CDKAL1: variants seen among roughly 807,000 people sequenced by gnomAD.
The protein encoded by CDKAL1 is threonylcarbamoyladenosine tRNA methylthiotransferase.
Under a neutral mutation model 68.2 loss-of-function variants are expected in CDKAL1, and 32 were observed. The ratio of observed to expected loss-of-function variants is 0.47; its 90% confidence interval spans 0.35 to 0.63. The LOEUF is 0.63. Among genes scored for constraint, CDKAL1 ranks in the 30% least tolerant of loss-of-function variants. CDKAL1 has a pLI of 0.00. For synonymous variants in CDKAL1, 234 were observed against 244.3 expected (o/e 0.96, Z 0.39); for missense variants, 606 against 696.7 (o/e 0.87, Z 1.47).
chr6:20,765,311 T>C (rs1458531844), intron 7 of CDKAL1, among the ~76,000 whole-genome samples: 1 of 85,028 alleles, frequency 1.2e-5, no homozygotes, highest in African/African-American at 4.6e-5. Flanking sequence ...CGCCCGCCAC[T>C]ACGCCCGGCT....
intron 4 of CDKAL1, among the ~76,000 whole-genome samples, chr6:20,579,165 A>C (rs1308454574): frequency 6.6e-6 from 1 of 152,020 alleles, no homozygotes; most frequent in Non-Finnish European, 1.5e-5. Flanking sequence ...TTTTTGGTAG[A>C]GACAGGGTTC....
intron 5 of CDKAL1, among the ~76,000 whole-genome samples, chr6:20,674,739 G>T (rs1287724538): frequency 6.6e-6 from 1 of 152,074 alleles, no homozygotes; most frequent in East Asian, 1.9e-4. Flanking sequence ...CTCCTTCCTA[G>T]CCTCTGGTAA....
At chr6:21,034,120 A>C (rs1185056865) in intron 11 of CDKAL1, among the ~76,000 whole-genome samples, 2 of 152,212 alleles carry the variant, frequency 1.3e-5, no homozygotes, top group Non-Finnish European at 2.9e-5. Context: ...GTGAGCCTGA[A>C]TTACAAGGGA....
chr6:20,723,830 T>C (rs2127848693), intron 5 of CDKAL1, among the ~76,000 whole-genome samples: 1 of 152,350 alleles, frequency 6.6e-6, no homozygotes, highest in African/African-American at 2.4e-5. Context: ...CTTTTGCCTC[T>C]GTTCAGAGGT....
chr6:20,706,634 A>G (rs1312111342), intron 5 of CDKAL1, among the ~76,000 whole-genome samples: 1 of 152,224 alleles, frequency 6.6e-6, no homozygotes, highest in Non-Finnish European at 1.5e-5. Flanking sequence ...ACTTAAATAT[A>G]TCTGTGTCTA....
intron 9 of CDKAL1, among the ~76,000 whole-genome samples, chr6:20,849,002 A>C (rs1758852342): frequency 6.6e-6 from 1 of 151,888 alleles, no homozygotes; most frequent in Admixed American, 6.6e-5. Context: ...TGTGTTTGCC[A>C]GGCTGGTCTC....
At chr6:20,809,173 A>G (rs1438525388) in intron 8 of CDKAL1, among the ~76,000 whole-genome samples, 1 of 152,152 alleles carries the variant, frequency 6.6e-6, no homozygotes, top group African/African-American at 2.4e-5. Flanking sequence ...TGTAACAGAC[A>G]TCTAAGGTCA....
chr6:20,834,403 T>A (rs2150470318), intron 8 of CDKAL1, among the ~76,000 whole-genome samples: 1 of 152,324 alleles, frequency 6.6e-6, no homozygotes, highest in African/African-American at 2.4e-5. Flanking sequence ...GGGAGTTAGA[T>A]GTCCTCTGGG....
At chr6:20,542,639 A>C (rs1763432514) in intron 2 of CDKAL1, among the ~76,000 whole-genome samples, 1 of 152,132 alleles carries the variant, frequency 6.6e-6, no homozygotes, top group South Asian at 2.1e-4. Flanking sequence ...GCAGTTGTAA[A>C]ACTTATGCAG....
rs562801863 is a variant in CDKAL1 at position 20,600,223 on chromosome 6, T to A, written c.287-49070T>A. Among the ~76,000 whole-genome samples the A allele has an allele frequency of 2.0e-3, 310 of 152,280 alleles. 1 individual carries two copies. Among genetic ancestry groups the A allele is most frequent in the African/African-American group, 6.8e-3 (283 of 41,582 alleles). ...TCCTTTTTGTAATGGCTATGTGGAG[T>A]TGGCAATTCTTTTTATTAAATATTG... On this transcript the variant is annotated intron_variant, in intron 4 of 15. Coordinates refer to ENST00000274695, the MANE Select transcript of CDKAL1 (RefSeq NM_017774.3).
chr6:20,757,553 TACACAC>T (rs67359030), intron 6 of CDKAL1, among the ~76,000 whole-genome samples: 59,696 of 150,852 alleles, frequency 0.4, 11,973 homozygotes, highest in Non-Finnish European at 0.43. Flanking sequence ...TATATTTATT[TACACAC>T]ACACACACAC....
At chr6:21,146,998 C>G (rs907960724) in intron 13 of CDKAL1, among the ~76,000 whole-genome samples, 2 of 152,116 alleles carry the variant, frequency 1.3e-5, no homozygotes, top group Non-Finnish European at 2.9e-5. Flanking sequence ...GAAGCCTGCA[C>G]GTGTCCATGG....
intron 15 of CDKAL1, among the ~76,000 whole-genome samples, chr6:21,212,784 G>A (rs1311865106): frequency 6.6e-6 from 1 of 152,128 alleles, no homozygotes; most frequent in Non-Finnish European, 1.5e-5. Context: ...TAAATTTAAA[G>A]GGCTTTGGGG....
intron 5 of CDKAL1, among the ~76,000 whole-genome samples, chr6:20,658,475 A>G (rs193066675): frequency 6.6e-6 from 1 of 152,372 alleles, no homozygotes; most frequent in East Asian, 1.9e-4. Context: ...TGCTTTGTAT[A>G]ACATCTTTTC....
chr6:20,814,322 A>G (rs2150428338), intron 8 of CDKAL1, among the ~76,000 whole-genome samples: 1 of 152,306 alleles, frequency 6.6e-6, no homozygotes, highest in South Asian at 2.1e-4. Flanking sequence ...TAATAGATTT[A>G]TAAGAATTTT....
chr6:21,072,637 C>G (rs931153904), intron 12 of CDKAL1, among the ~76,000 whole-genome samples: 1 of 144,108 alleles, frequency 6.9e-6, no homozygotes, highest in Non-Finnish European at 1.5e-5. Context: ...ATCTTCCTCA[C>G]GTTTTAGACT....
intron 12 of CDKAL1, among the ~76,000 whole-genome samples, chr6:21,100,515 C>A (rs1374490323): frequency 2.0e-5 from 3 of 152,128 alleles, no homozygotes; most frequent in Non-Finnish European, 4.4e-5. Flanking sequence ...TTTTGCAGAC[C>A]TAACTAGAGA....
intron 11 of CDKAL1, among the ~76,000 whole-genome samples, chr6:21,056,678 T>C (rs1770854735): frequency 6.6e-6 from 1 of 152,198 alleles, no homozygotes; most frequent in Admixed American, 6.5e-5. Context: ...ATGGCTCTTA[T>C]TATTTTCAGG....
intron 5 of CDKAL1, among the ~76,000 whole-genome samples, chr6:20,681,770 T>G (rs1475020411): frequency 1.3e-5 from 2 of 152,156 alleles, no homozygotes; most frequent in Non-Finnish European, 2.9e-5. Context: ...CTGGTGGAGC[T>G]CATAGGATAG....
Sources: gnomAD v4.1 joint callset for allele counts (sites outside exome capture counted in the v4.1 genomes callset) on GRCh38, gnomAD v4.1.1 for gene constraint, MANE v1.5 for transcripts, NCBI Gene and HGNC (gene_info 2026-07-23, HGNC 2026-07-21) for gene names.